The following APP variants were observed in gnomAD, a reference collection of about 807,000 sequenced individuals.
APP encodes amyloid beta precursor protein, also known as amyloid-beta precursor protein.
In APP, 31 loss-of-function variants were observed where a neutral mutation model predicts 101.4. That is an observed-to-expected ratio of 0.31 (90% CI 0.23 to 0.41). APP has a LOEUF of 0.41. Among genes scored for constraint, APP ranks in the 10% least tolerant of loss-of-function variants. APP has a pLI of 1.00. For synonymous variants in APP, 366 were observed against 364.4 expected, an observed-to-expected ratio of 1.00 and a Z score of -0.05; for missense variants, 839 against 1,003.7, an observed-to-expected ratio of 0.84 and a Z score of 2.22.
Position 25,955,765 on chromosome 21 carries a change from G to A in APP, c.1459-10C>T. On this transcript the variant is annotated splice_polypyrimidine_tract_variant and intron_variant, in intron 11 of 17. Coordinates refer to ENST00000346798, the MANE Select transcript of APP (RefSeq NM_000484.4). ...TGAACACGTGACGAGGCTGTGGGAG[G>A]AAAATGAAAAACTCTTTTTCAAGTT... The A allele has an allele frequency of 1.2e-6, 2 of 1,614,084 alleles. No individual in the cohort carries two copies. Among genetic ancestry groups the A allele is most frequent in the Non-Finnish European group, 1.7e-6 (2 of 1,179,974 alleles).
intron 5 of APP, among the ~76,000 whole-genome samples, chr21:26,042,117 A>G (rs1244173418): frequency 1.3e-5 from 2 of 152,134 alleles, no homozygotes; most frequent in South Asian, 2.1e-4. Context: ...GCGGCCCTCT[A>G]AAGTTGTTAG....
At chr21:25,947,093 A>T (rs1376184113) in intron 13 of APP, among the ~76,000 whole-genome samples, 1 of 152,242 alleles carries the variant, frequency 6.6e-6, no homozygotes. Context: ...TGCCAATGGT[A>T]AAACTATAAA....
chr21:26,033,465 A>G (rs1047494349), intron 5 of APP, among the ~76,000 whole-genome samples: 4 of 152,224 alleles, frequency 2.6e-5, no homozygotes, highest in African/African-American at 9.6e-5. Context: ...AGTCTTGGTT[A>G]TATCTTTATA....
chr21:26,074,298 G>A (rs1306451748), intron 3 of APP, among the ~76,000 whole-genome samples: 1 of 152,042 alleles, frequency 6.6e-6, no homozygotes, highest in Admixed American at 6.5e-5. Flanking sequence ...CTACTGAAAC[G>A]CCACATTCAT....
intron 11 of APP, among the ~76,000 whole-genome samples, chr21:25,958,494 G>T (rs1236362360): frequency 1.3e-5 from 2 of 152,080 alleles, no homozygotes; most frequent in Admixed American, 6.5e-5. Flanking sequence ...AGCCAGGATG[G>T]TCTCCATCTC....
At chr21:25,955,874 CT>C in intron 11 of APP, 119 bp from the exon 12 acceptor site, 7 of 1,432,590 alleles carry the variant, frequency 4.9e-6, no homozygotes, top group Non-Finnish European at 6.8e-6. Flanking sequence ...TGTGAGTCAC[CT>C]TTTTGCAGGT....
chr21:26,163,620 C>T (rs1191814756), intron 1 of APP, among the ~76,000 whole-genome samples: 1 of 152,186 alleles, frequency 6.6e-6, no homozygotes, highest in Non-Finnish European at 1.5e-5. Context: ...TCTGTCATTA[C>T]ACATCCTCGT....
chr21:25,982,603 T>C (rs185587290), intron 8 of APP, 126 bp from the exon 9 acceptor site: 3 of 866,914 alleles, frequency 3.5e-6, no homozygotes, highest in Admixed American at 4.5e-5. Flanking sequence ...AAGCAGCGCA[T>C]ACAAGACGTT....
chr21:26,170,410 G>A (rs965308146), intron 1 of APP, among the ~76,000 whole-genome samples, 154 bp downstream of exon 1: 1 of 152,182 alleles, frequency 6.6e-6, no homozygotes, highest in African/African-American at 2.4e-5. Flanking sequence ...CGAAAGCGGG[G>A]ATGCGCTGGA....
rs1046061842 is a variant in APP, at chr21:26,080,265, A to G, written c.355+9678T>C. Among the ~76,000 whole-genome samples, 4 of 152,166 alleles carry G rather than the reference A, an allele frequency of 2.6e-5. No homozygotes were observed. The South Asian group carries it at 8.3e-4, about 31-fold the overall frequency. ...CTCAAAGTTTTGATTTGTGAATTCC[A>G]TTATCTCTTGGAGAAAGCTACAACA... On this transcript the variant is annotated intron_variant, in intron 3 of 17. Coordinates refer to ENST00000346798, the MANE Select transcript of APP (RefSeq NM_000484.4).
rs201382660 is a variant in APP, at chr21:25,880,833, A to G, written c.*837T>C. On this transcript the variant is annotated 3_prime_UTR_variant, in exon 18 of 18. Transcript: ENST00000346798. Reference sequence around the variant, plus strand: ...ATTTTATTTAATTTATTTATGTAATACAGTGTAGAAAGCGATCATGTCATA... The same window carrying G: ...ATTTTATTTAATTTATTTATGTAATGCAGTGTAGAAAGCGATCATGTCATA... 2 of 152,706 alleles carry G rather than the reference A, an allele frequency of 1.3e-5. No homozygotes were observed. Among genetic ancestry groups the G allele is most frequent in the Middle Eastern group, 3.4e-3 (1 of 292 alleles). 9.5% of individuals were successfully genotyped at this position (152,706 alleles called of 1,614,324 possible). A position where few individuals can be genotyped will look rare whatever the true frequency, so the allele number is the denominator to read the frequency against.
intron 1 of APP, among the ~76,000 whole-genome samples, 167 bp downstream of exon 1, chr21:26,170,397 G>A (rs1019513876): frequency 6.6e-6 from 1 of 152,164 alleles, no homozygotes. Context: ...GGCAGGGCTG[G>A]GCCGAAAGCG....
At chr21:25,895,744 CCTTTACTAAA>C (rs1168949397) in intron 16 of APP, among the ~76,000 whole-genome samples, 1 of 152,040 alleles carries the variant, frequency 6.6e-6, no homozygotes, top group Non-Finnish European at 1.5e-5. Context: ...ATAATTATTC[CCTTTACTAAA>C]CAAATATGCT....
intron 5 of APP, among the ~76,000 whole-genome samples, chr21:26,028,056 C>T (rs767778731): frequency 6.6e-5 from 10 of 151,468 alleles, no homozygotes; most frequent in Non-Finnish European, 1.0e-4. Flanking sequence ...ATTAGCTGGA[C>T]GTGGGGGTGC....
Position 26,170,617 on chromosome 21 carries a change from G to A in APP, c.4C>T (p.Leu2=). The change falls in exon 1 of 18, where the codon CTG becomes TTG. Residue 2 remains leucine, a synonymous_variant. Coordinates refer to ENST00000346798, the MANE Select transcript of APP (RefSeq NM_000484.4). The part of the protein sequence containing the change: M[L]PGLALLLLAA... ...AGCAGGAGCAGTGCCAAACCGGGCAGCATCGCGACCCTGCGCGGGGCACCG... is the reference window on the plus strand; with the variant it reads ...AGCAGGAGCAGTGCCAAACCGGGCAACATCGCGACCCTGCGCGGGGCACCG... 2 of 1,536,260 alleles carry A rather than the reference G, an allele frequency of 1.3e-6. No homozygotes were observed. The highest frequency in any genetic ancestry group is 3.9e-5 in the Admixed American group (2 of 50,958).
intron 1 of APP, among the ~76,000 whole-genome samples, chr21:26,147,801 C>A (rs372094258): frequency 5.4e-4 from 80 of 149,054 alleles, no homozygotes; most frequent in African/African-American, 1.4e-3. Flanking sequence ...CCGGGCTAAT[C>A]AGAACATCAA....
intron 8 of APP, among the ~76,000 whole-genome samples, chr21:25,995,411 T>G (rs1041828935): frequency 6.7e-6 from 1 of 149,864 alleles, no homozygotes; most frequent in East Asian, 2.0e-4. Context: ...GGCAAAACAA[T>G]GTCAGAACCA....
At chr21:26,047,686 C>G (rs1232560586) in intron 5 of APP, among the ~76,000 whole-genome samples, 2 of 152,124 alleles carry the variant, frequency 1.3e-5, no homozygotes, top group African/African-American at 4.8e-5. Flanking sequence ...GAAAACATTA[C>G]TAGGTTATAC....
chr21:26,033,496 T>C (rs1382227166), intron 5 of APP, among the ~76,000 whole-genome samples: 2 of 152,186 alleles, frequency 1.3e-5, no homozygotes, highest in East Asian at 3.8e-4. Flanking sequence ...AATGGACTCA[T>C]ACAAAGAGTG....
Sources: allele counts gnomAD v4.1 joint callset (sites outside exome capture counted in the v4.1 genomes callset), GRCh38; gene constraint gnomAD v4.1.1; transcripts MANE v1.5; gene names NCBI Gene and HGNC (gene_info 2026-07-23, HGNC 2026-07-21).